Variants in INSYN2B observed in about 807,000 individuals in gnomAD.
The protein encoded by INSYN2B is protein INSYN2B.
A neutral mutation model predicts 41.2 loss-of-function variants in INSYN2B; 16 were observed. The observed-to-expected ratio is 0.39, with a 90% confidence interval of 0.26 to 0.59. INSYN2B has a LOEUF of 0.59. INSYN2B is among the 20% of genes least tolerant of loss of function. INSYN2B has a pLI of 0.57. For synonymous variants in INSYN2B, 245 were observed against 244.4 expected (o/e 1.00, Z -0.02); for missense variants, 608 against 646.4 (o/e 0.94, Z 0.64).
chr5:169,897,809 T>A (rs1388876657), intron 1 of INSYN2B, among the ~76,000 whole-genome samples: 3 of 152,124 alleles, frequency 2.0e-5, no homozygotes. Context: ...AGATGATTCC[T>A]TCATCCCAGG....
chr5:169,977,085 G>T (rs926576844), intron 1 of INSYN2B, among the ~76,000 whole-genome samples: 2 of 152,188 alleles, frequency 1.3e-5, no homozygotes. Context: ...CTAAGTTTTC[G>T]ATGAAGACAG....
At chr5:169,967,655 A>G (rs887381182) in intron 1 of INSYN2B, among the ~76,000 whole-genome samples, 2 of 152,166 alleles carry the variant, frequency 1.3e-5, no homozygotes, top group Non-Finnish European at 2.9e-5. Context: ...CATTATAGAG[A>G]GATCACACTC....
chr5:169,933,676 C>T (rs777048303), intron 1 of INSYN2B, among the ~76,000 whole-genome samples: 8 of 152,130 alleles, frequency 5.3e-5, no homozygotes, highest in Non-Finnish European at 8.8e-5. Flanking sequence ...CCTTACTGGC[C>T]GCACTAAGAG....
At chr5:169,928,208 A>T (rs1775568439) in intron 1 of INSYN2B, among the ~76,000 whole-genome samples, 1 of 152,142 alleles carries the variant, frequency 6.6e-6, no homozygotes, top group Non-Finnish European at 1.5e-5. Flanking sequence ...TATTGACAGC[A>T]GCCTCAATGC....
Position 169,956,869 on chromosome 5 carries a change from G to A in INSYN2B, c.-919+23408C>T, listed in dbSNP as rs556184399. Among the ~76,000 whole-genome samples the A allele has an allele frequency of 2.0e-5, 3 of 152,178 alleles. No homozygotes were observed. The South Asian group carries it at 6.2e-4, about 32-fold the overall frequency. On this transcript the variant is annotated intron_variant, in intron 1 of 3. Transcript: ENST00000377365. ...GGTCCAGGAATGCATCAAATATAAG[G>A]AAAATGTGTAGGATGTTTCTGTATT... is the stretch of plus-strand genomic sequence containing the variant.
chr5:169,915,303 C>G (rs1391644584), intron 1 of INSYN2B, among the ~76,000 whole-genome samples: 2 of 152,078 alleles, frequency 1.3e-5, no homozygotes, highest in Non-Finnish European at 2.9e-5. Flanking sequence ...GTTTTTGGTA[C>G]TTTGAAAATC....
intron 1 of INSYN2B, among the ~76,000 whole-genome samples, chr5:169,924,427 T>A (rs1370351941): frequency 6.6e-6 from 1 of 152,250 alleles, no homozygotes; most frequent in Non-Finnish European, 1.5e-5. Context: ...AACCATCCTG[T>A]CAGCAAATCA....
intron 1 of INSYN2B, among the ~76,000 whole-genome samples, chr5:169,926,101 G>A (rs569839943): frequency 1.3e-5 from 2 of 152,248 alleles, no homozygotes; most frequent in South Asian, 4.1e-4. Flanking sequence ...GAGACAAGTG[G>A]GATGCTGTGG....
intron 1 of INSYN2B, among the ~76,000 whole-genome samples, chr5:169,908,871 T>G (rs1472995573): frequency 6.6e-6 from 1 of 151,974 alleles, no homozygotes; most frequent in Non-Finnish European, 1.5e-5. Flanking sequence ...CCCACTACAT[T>G]ATTGCATTTC....
At chr5:169,886,691 G>A (rs559917927) in intron 1 of INSYN2B, among the ~76,000 whole-genome samples, 7 of 152,286 alleles carry the variant, frequency 4.6e-5, no homozygotes, top group East Asian at 1.9e-4. Flanking sequence ...TGAGATGGTC[G>A]CATGCTTAAA....
Position 169,882,815 on chromosome 5 carries a change from G to C in INSYN2B, c.1084C>G (p.Pro362Ala). 1 of 1,550,642 alleles carries C rather than the reference G, an allele frequency of 6.4e-7. No homozygotes were observed. The highest frequency in any genetic ancestry group is 1.2e-5 in the South Asian group (1 of 83,972). Residue 362 changes from proline to alanine, a missense_variant, in exon 2 of 4, where the codon CCC becomes GCC. Transcript: ENST00000377365. The part of the protein sequence containing the change: ...PGCQEQTANN[P>A]TESDTLEFPN... ...AACTCCAGTGTGTCTGACTCGGTGGGGTTGTTTGCCGTCTGCTCCTGACAC... is the reference window on the plus strand; with the variant it reads ...AACTCCAGTGTGTCTGACTCGGTGGCGTTGTTTGCCGTCTGCTCCTGACAC...
chr5:169,954,280 C>T (rs1776778983), intron 1 of INSYN2B, among the ~76,000 whole-genome samples: 2 of 152,166 alleles, frequency 1.3e-5, no homozygotes, highest in South Asian at 4.1e-4. Context: ...GTGAGTGATT[C>T]TAAGGAATAA....
chr5:169,903,537 AG>A (rs1243526825), intron 1 of INSYN2B, among the ~76,000 whole-genome samples: 1 of 84,362 alleles, frequency 1.2e-5, no homozygotes, highest in East Asian at 3.2e-4. Flanking sequence ...GCCGGGGGGC[AG>A]GGGGCGTTCG....
intron 1 of INSYN2B, among the ~76,000 whole-genome samples, chr5:169,918,774 G>A (rs548431170): frequency 2.0e-5 from 3 of 152,106 alleles, no homozygotes; most frequent in Non-Finnish European, 2.9e-5. Context: ...TTAACCAGGC[G>A]TGGTGGCAGG....
At chr5:169,927,868 G>A (rs774107918) in intron 1 of INSYN2B, among the ~76,000 whole-genome samples, 3 of 152,054 alleles carry the variant, frequency 2.0e-5, no homozygotes, top group Non-Finnish European at 2.9e-5. Flanking sequence ...CACCCGTCTC[G>A]GCCTCCCAAA....
In INSYN2B at chr5:169,883,733, C is replaced by A; in HGVS notation, c.166G>T (p.Val56Phe). ...ACAGCCGGGTCTTCTGGAGTTTGGA[C>A]GTCAACCTCAGCTAGGCCAGTTGGA... ...KNPTGLAEVD[V>F]QTPEDPAVMG... The change falls in exon 2 of 4, where the codon GTC becomes TTC. Residue 56 changes from valine to phenylalanine, a missense_variant. Physicochemically the swap from Val to Phe is conservative, Grantham distance 50. Transcript: ENST00000377365. The A allele has an allele frequency of 1.3e-6, 2 of 1,551,550 alleles. No individual in the cohort carries two copies. Among genetic ancestry groups the A allele is most frequent in the Non-Finnish European group, 1.7e-6 (2 of 1,146,924 alleles).
intron 1 of INSYN2B, among the ~76,000 whole-genome samples, chr5:169,897,005 T>C (rs1474589752): frequency 1.3e-5 from 2 of 152,202 alleles, no homozygotes; most frequent in African/African-American, 4.8e-5. Flanking sequence ...ACTTAGTGCT[T>C]AGTGCTAGAC....
intron 1 of INSYN2B, among the ~76,000 whole-genome samples, chr5:169,908,328 G>T (rs1254554605): frequency 6.6e-6 from 1 of 151,894 alleles, no homozygotes; most frequent in Non-Finnish European, 1.5e-5. Flanking sequence ...TGCGATTCTT[G>T]TGTTATTTGC....
chr5:169,867,014 A>G (rs1332333266), intron 3 of INSYN2B, among the ~76,000 whole-genome samples: 1 of 152,234 alleles, frequency 6.6e-6, no homozygotes, highest in Non-Finnish European at 1.5e-5. Context: ...CTGACTGACT[A>G]GCTTCAAGTT....
Sources: allele counts gnomAD v4.1 joint callset (sites outside exome capture counted in the v4.1 genomes callset), GRCh38; gene constraint gnomAD v4.1.1; transcripts MANE v1.5; gene names NCBI Gene and HGNC (gene_info 2026-07-23, HGNC 2026-07-21).